Variants in GSAP observed in about 807,000 individuals in gnomAD.
GSAP encodes gamma-secretase-activating protein.
In GSAP, 118 loss-of-function variants were observed where a neutral mutation model predicts 131.7. That is an observed-to-expected ratio of 0.90 (90% confidence interval 0.77 to 1.04). The LOEUF (loss-of-function observed/expected upper bound fraction) is 1.04. Ranked by LOEUF, GSAP falls within the 50% of genes least tolerant of loss-of-function variation. The probability of loss-of-function intolerance (pLI) is 0.00; values close to 1 mark genes in which losing one functional copy is unlikely to be tolerated. For missense variants in GSAP, 1,019 were observed against 1,013.2 expected (o/e 1.01, Z -0.08); for synonymous variants, 381 against 363.4 (o/e 1.05, Z -0.55).
intron 19 of GSAP, among the ~76,000 whole-genome samples, chr7:77,338,076 G>A (rs1790296783): frequency 6.6e-6 from 1 of 152,068 alleles, no homozygotes; most frequent in Non-Finnish European, 1.5e-5. Context: ...AAGGTGGGAG[G>A]ACTGCTTATG....
Position 77,376,901 on chromosome 7 carries a change from T to C in GSAP, c.688A>G (p.Arg230Gly). Residue 230 changes from arginine to glycine, a missense_variant, in exon 10 of 31, where the codon AGG becomes GGG. Coordinates refer to ENST00000257626, the MANE Select transcript of GSAP (RefSeq NM_017439.4). Reference protein sequence around the residue: ...RLYYIDLKKSRSILKCIQFYA... With the variant: ...RLYYIDLKKSGSILKCIQFYA... ...AACTGGATACATTTTAAGATACTCC[T>C]TGATTTCTAAAAGAGAAAACAGAAT... 6.9e-7 allele frequency: 1 copy of C among 1,449,670 alleles called. No homozygotes were observed. The highest frequency in any genetic ancestry group is 2.4e-5 in the East Asian group (1 of 41,992). 89.8% of individuals were successfully genotyped at this position (1,449,670 alleles called of 1,614,324 possible).
At chr7:77,372,641 G>T (rs754171664) in intron 12 of GSAP, among the ~76,000 whole-genome samples, 1 of 152,178 alleles carries the variant, frequency 6.6e-6, no homozygotes, top group African/African-American at 2.4e-5. Flanking sequence ...AGCAAATACT[G>T]TAAATGATAT....
chr7:77,360,069 A>G lies in GSAP; in HGVS notation c.1027+755T>C, dbSNP rs1228797817. The stretch of plus-strand genomic sequence containing the variant: ...ACTTTGCTCAGTTTCCTCACATTGC[A>G]CTCTCTCAAACATGCATCATGACAG... On this transcript the variant is annotated intron_variant, in intron 14 of 30. Transcript: ENST00000257626. 3.3e-5 allele frequency among the ~76,000 whole-genome samples: 5 copies of G among 152,072 alleles called. No individual in the cohort carries two copies. The East Asian group carries it at 9.6e-4, about 29-fold the overall frequency.
At chr7:77,382,539 T>G in intron 7 of GSAP, 35 bp downstream of exon 7, 1 of 1,114,486 alleles carries the variant, frequency 9.0e-7, no homozygotes, top group Non-Finnish European at 1.4e-6. Flanking sequence ...ATGCCATTCA[T>G]GAAATTCCCA....
chr7:77,314,517 ACAGT>A (rs1221921370), intron 26 of GSAP, 28 bp from the exon 27 acceptor site: 1 of 1,612,750 alleles, frequency 6.2e-7, no homozygotes. Flanking sequence ...GAGGGTAAAC[ACAGT>A]CAGCCAACAT....
intron 8 of GSAP, among the ~76,000 whole-genome samples, chr7:77,380,330 G>A (rs186783225): frequency 5.7e-4 from 86 of 152,076 alleles, no homozygotes; most frequent in African/African-American, 2.0e-3. Flanking sequence ...AAGTTTTTTT[G>A]GAAAGCAATC....
chr7:77,327,272 A>C (rs1379180469), intron 22 of GSAP: 1 of 152,346 alleles, frequency 6.6e-6, no homozygotes, highest in Non-Finnish European at 1.5e-5. Flanking sequence ...GTAGCTCCAT[A>C]AGCAGGGCAG....
At chr7:77,363,818 G>T (rs1003204911) in intron 12 of GSAP, among the ~76,000 whole-genome samples, 1 of 152,034 alleles carries the variant, frequency 6.6e-6, no homozygotes, top group Admixed American at 6.6e-5. Flanking sequence ...GACTGTTACG[G>T]TTACTGAGCA....
intron 13 of GSAP, among the ~76,000 whole-genome samples, chr7:77,362,153 T>C (rs7811180): frequency 0.32 from 48,896 of 152,062 alleles, 9,117 homozygotes; most frequent in African/African-American, 0.51. Context: ...CCTGTAAGTA[T>C]ACAGATATAG....
Position 77,360,897 on chromosome 7 carries a change from G to T in GSAP, c.954C>A (p.His318Gln). The change falls in exon 14 of 31, where the codon CAC becomes CAA. Residue 318 changes from histidine (H) to glutamine (Q), a missense_variant. Physicochemically the swap from His to Gln is conservative, Grantham distance 24. Coordinates refer to ENST00000257626, the MANE Select transcript of GSAP (RefSeq NM_017439.4). ...CAAGAGAAGTGGTGAAGGTCTTGCT[G>T]TGTCCTGCAAAGAGAGAATATGAAG... The part of the protein sequence containing the change: ...TYSVFYIHKG[H>Q]SKTFTTSLEN... The T allele has an allele frequency of 6.3e-7, 1 of 1,582,908 alleles. No homozygotes were observed. Among genetic ancestry groups the T allele is most frequent in the Non-Finnish European group, 8.7e-7 (1 of 1,152,046 alleles).
chr7:77,346,355 G>T (rs1791864402), intron 19 of GSAP, among the ~76,000 whole-genome samples: 1 of 151,114 alleles, frequency 6.6e-6, no homozygotes, highest in Non-Finnish European at 1.5e-5. Context: ...TTTTTAATGG[G>T]GGCTAGGGAC....
Position 77,376,860 on chromosome 7 carries a change from G to T in GSAP, c.729C>A (p.Ser243Arg). The T allele has an allele frequency of 1.4e-6, 2 of 1,460,286 alleles. No individual in the cohort carries two copies. The highest frequency in any genetic ancestry group is 1.9e-6 in the Non-Finnish European group (2 of 1,059,876). 90.5% of individuals were successfully genotyped at this position (1,460,286 alleles called of 1,614,324 possible). A position where few individuals can be genotyped will look rare whatever the true frequency, so the allele number is the denominator to read the frequency against. The change falls in exon 10 of 31, where the codon AGC becomes AGA. Residue 243 changes from serine (S) to arginine (R), a missense_variant. Transcript: ENST00000257626. The stretch of plus-strand genomic sequence containing the variant: ...TTTCTGGACTTACCATTAAGTTATA[G>T]CTCTCATCAGCATAAAACTGGATAC... ...LKCIQFYADE[S>R]YNLMFEVPLD...
At chr7:77,338,209 A>C (rs147268043) in intron 19 of GSAP, among the ~76,000 whole-genome samples, 172 of 152,288 alleles carry the variant, frequency 1.1e-3, no homozygotes, top group African/African-American at 3.9e-3. Context: ...CCATAAAATC[A>C]AGGGCAATTT....
Position 77,416,202 on chromosome 7 carries a change from G to A in GSAP, c.109+11C>T, listed in dbSNP as rs776881205. 5 of 1,099,192 alleles carry A rather than the reference G, an allele frequency of 4.5e-6. No individual in the cohort carries two copies. The South Asian group carries it at 6.6e-5, about 14-fold the overall frequency. 68.1% of individuals were successfully genotyped at this position (1,099,192 alleles called of 1,614,324 possible). A position where few individuals can be genotyped will look rare whatever the true frequency, so the allele number is the denominator to read the frequency against. On this transcript the variant is annotated intron_variant, in intron 1 of 30. Transcript: ENST00000257626. ...CCGCCCCCACCCCTCTCCGCAGCGC[G>A]CCTCCCGCACCTGCGCCGCCGCTTC...
intron 19 of GSAP, among the ~76,000 whole-genome samples, chr7:77,339,141 C>A (rs895262018): frequency 3.3e-5 from 5 of 152,108 alleles, no homozygotes; most frequent in African/African-American, 1.2e-4. Flanking sequence ...ATAACTGAGA[C>A]TAGGGAGAGA....
chr7:77,372,606 CA>C (rs1191653392), intron 12 of GSAP, among the ~76,000 whole-genome samples: 1 of 151,884 alleles, frequency 6.6e-6, no homozygotes, highest in African/African-American at 2.4e-5. Context: ...TAAAATGATA[CA>C]TATATATATA....
chr7:77,364,977 C>T (rs1356804728), intron 12 of GSAP, among the ~76,000 whole-genome samples: 1 of 152,162 alleles, frequency 6.6e-6, no homozygotes, highest in Non-Finnish European at 1.5e-5. Flanking sequence ...CACTATTTAT[C>T]TGAGACAAAG....
At chr7:77,367,812 T>C (rs1048680841) in intron 12 of GSAP, among the ~76,000 whole-genome samples, 3 of 152,148 alleles carry the variant, frequency 2.0e-5, no homozygotes, top group Admixed American at 1.3e-4. Flanking sequence ...TAGAATTCAG[T>C]TGTGAATCCA....
intron 19 of GSAP, among the ~76,000 whole-genome samples, chr7:77,345,690 C>A (rs72508683): frequency 0.091 from 13,872 of 152,192 alleles, 746 homozygotes; most frequent in South Asian, 0.25. Flanking sequence ...TGACACACGC[C>A]CCTGCTCATA....
Sources: gnomAD v4.1 joint callset for allele counts (sites outside exome capture counted in the v4.1 genomes callset) on GRCh38, gnomAD v4.1.1 for gene constraint, MANE v1.5 for transcripts, NCBI Gene and HGNC (gene_info 2026-07-23, HGNC 2026-07-21) for gene names.